Variants in ERC2 observed in about 807,000 individuals in gnomAD.
The protein encoded by ERC2 is ELKS/RAB6-interacting/CAST family member 2, also known as ERC protein 2.
A neutral mutation model predicts 114.8 loss-of-function variants in ERC2; 42 were observed. That is an observed-to-expected ratio of 0.37 (90% confidence interval 0.29 to 0.47). The LOEUF (loss-of-function observed/expected upper bound fraction) is 0.47. ERC2 is among the 20% of genes least tolerant of loss of function. ERC2 has a pLI of 0.99. For synonymous variants in ERC2, 454 were observed against 425.5 expected (o/e 1.07, Z -0.82); for missense variants, 939 against 1,150.7 (o/e 0.82, Z 2.66).
At chr3:56,084,399 T>C (rs1350822239) in intron 6 of ERC2, among the ~76,000 whole-genome samples, 1 of 152,218 alleles carries the variant, frequency 6.6e-6, no homozygotes, top group Non-Finnish European at 1.5e-5. Flanking sequence ...AAAAGATACC[T>C]GTATGTGTAT....
At chr3:55,705,320 A>G (rs1175314733) in intron 15 of ERC2, among the ~76,000 whole-genome samples, 1 of 152,152 alleles carries the variant, frequency 6.6e-6, no homozygotes. Flanking sequence ...ATCGCACAGT[A>G]AAGTGGCCCT....
At chr3:55,768,610 C>A (rs2067982250) in intron 14 of ERC2, among the ~76,000 whole-genome samples, 1 of 152,042 alleles carries the variant, frequency 6.6e-6, no homozygotes, top group African/African-American at 2.4e-5. Context: ...TGAACTGAGC[C>A]CTGAGGGATG....
chr3:56,202,083 G>A (rs147891423), intron 3 of ERC2, among the ~76,000 whole-genome samples: 110 of 152,236 alleles, frequency 7.2e-4, no homozygotes, highest in African/African-American at 2.5e-3. Flanking sequence ...AATACCGCAG[G>A]CCATCTGAGC....
At chr3:56,230,759 G>C (rs184643881) in intron 3 of ERC2, among the ~76,000 whole-genome samples, 50 of 152,320 alleles carry the variant, frequency 3.3e-4, no homozygotes, top group Non-Finnish European at 5.4e-4. Context: ...TTTATTGTTA[G>C]AGTAGGAGAA....
chr3:56,109,791 GT>G (rs1560188121), intron 6 of ERC2, among the ~76,000 whole-genome samples: 1 of 148,100 alleles, frequency 6.8e-6, no homozygotes, highest in African/African-American at 2.5e-5. Context: ...AGAAACAAAT[GT>G]TTAAAAACCA....
At chr3:56,386,178 T>C (rs1366812981) in intron 2 of ERC2, among the ~76,000 whole-genome samples, 1 of 152,148 alleles carries the variant, frequency 6.6e-6, no homozygotes, top group African/African-American at 2.4e-5. Flanking sequence ...GCTTTGTACC[T>C]ACACTGCAAA....
intron 14 of ERC2, among the ~76,000 whole-genome samples, chr3:55,856,508 A>C (rs2061790771): frequency 6.6e-6 from 1 of 152,226 alleles, no homozygotes; most frequent in African/African-American, 2.4e-5. Context: ...TGAAAAAATA[A>C]ACAAAACATA....
At position 56,213,988 on chromosome 3, in the gene ERC2, C is replaced by G. The variant is rs1207868197; in HGVS notation, c.1075-40468G>C. Reference sequence around the variant, plus strand: ...CTAACAAACAGAAAGGACATCCACACCAAAACCCCATCTGTACGTCACCAT... The same window carrying G: ...CTAACAAACAGAAAGGACATCCACAGCAAAACCCCATCTGTACGTCACCAT... On this transcript the variant is annotated intron_variant, in intron 3 of 17. Coordinates refer to ENST00000288221, the MANE Select transcript of ERC2 (RefSeq NM_015576.3). 2.6e-5 allele frequency among the ~76,000 whole-genome samples: 4 copies of G among 152,278 alleles called. No individual in the cohort carries two copies. In the South Asian group the frequency reaches 6.2e-4, roughly 24 times the overall value.
chr3:55,958,330 G>A (rs1425299867), intron 12 of ERC2, among the ~76,000 whole-genome samples: 1 of 152,142 alleles, frequency 6.6e-6, no homozygotes. Flanking sequence ...ATGAGTCCAG[G>A]GTTTTCATGG....
In ERC2 at chr3:55,860,008, C is replaced by T. The variant is rs188951395; in HGVS notation, c.2564+28381G>A. Among the ~76,000 whole-genome samples, 836 of 152,164 alleles carry T rather than the reference C, an allele frequency of 5.5e-3. 10 individuals are homozygous for T. The highest frequency in any genetic ancestry group is 0.019 in the African/African-American group (787 of 41,514). ...CTTCATTTCACAGATATTTAAAGCA[C>T]GTATTATGTTGCTATGGACAATTAG... On this transcript the variant is annotated intron_variant, in intron 14 of 17. Transcript: ENST00000288221.
At chr3:55,829,634 C>T (rs1282070844) in intron 14 of ERC2, among the ~76,000 whole-genome samples, 2 of 152,174 alleles carry the variant, frequency 1.3e-5, no homozygotes, top group African/African-American at 4.8e-5. Context: ...CCCATTTCAG[C>T]TATCAAAGTG....
intron 13 of ERC2, among the ~76,000 whole-genome samples, chr3:55,935,484 C>T (rs1365066824): frequency 1.3e-5 from 2 of 152,172 alleles, no homozygotes; most frequent in Non-Finnish European, 2.9e-5. Flanking sequence ...TTACTCCATC[C>T]ATCTGTCAAT....
At chr3:56,124,430 A>G (rs887301604) in intron 6 of ERC2, among the ~76,000 whole-genome samples, 2 of 152,260 alleles carry the variant, frequency 1.3e-5, no homozygotes, top group Non-Finnish European at 1.5e-5. Context: ...ACGAAGCACC[A>G]TGAAGATGAA....
Position 56,288,632 on chromosome 3 carries a change from T to A in ERC2, c.1074+7387A>T, listed in dbSNP as rs140113624. Among the ~76,000 whole-genome samples the A allele has an allele frequency of 5.2e-3, 794 of 152,356 alleles. 5 individuals carry two copies. Among genetic ancestry groups the A allele is most frequent in the Non-Finnish European group, 8.8e-3 (597 of 68,038 alleles). ...TAAACAGAAAGGAATTTATTTTCCG[T>A]GTCATCAGAAATGTGAGGATAAAAA... On this transcript the variant is annotated intron_variant, in intron 3 of 17. Coordinates refer to ENST00000288221, the MANE Select transcript of ERC2 (RefSeq NM_015576.3).
intron 3 of ERC2, among the ~76,000 whole-genome samples, chr3:56,241,889 A>G (rs2051346226): frequency 6.6e-6 from 1 of 152,212 alleles, no homozygotes; most frequent in African/African-American, 2.4e-5. Context: ...ATAAAGCTGT[A>G]TTTGAACAAA....
chr3:56,332,902 A>G (rs1387271241), intron 2 of ERC2, among the ~76,000 whole-genome samples: 1 of 152,244 alleles, frequency 6.6e-6, no homozygotes, highest in Non-Finnish European at 1.5e-5. Flanking sequence ...AAAAGAAGCC[A>G]GAGAAGAAAA....
At chr3:55,831,357 AGAAGGGGAGGG>A (rs2060567323) in intron 14 of ERC2, among the ~76,000 whole-genome samples, 1 of 43,166 alleles carries the variant, frequency 2.3e-5, no homozygotes, top group Non-Finnish European at 4.0e-5. Flanking sequence ...GGGAGGGGAG[AGAAGGGGAGGG>A]GAAGGGAAGG....
At chr3:55,927,858 G>A (rs2065840651) in intron 13 of ERC2, among the ~76,000 whole-genome samples, 1 of 152,138 alleles carries the variant, frequency 6.6e-6, no homozygotes, top group South Asian at 2.1e-4. Flanking sequence ...AACATGAGAA[G>A]TTGGTCTTTC....
intron 5 of ERC2, among the ~76,000 whole-genome samples, chr3:56,144,987 G>C (rs979135697): frequency 9.2e-5 from 14 of 152,132 alleles, no homozygotes; most frequent in Admixed American, 6.5e-4. Flanking sequence ...ACAGCCAGAA[G>C]AAAAGCCAAT....
Sources: gnomAD v4.1 joint callset for allele counts (sites outside exome capture counted in the v4.1 genomes callset) on GRCh38, gnomAD v4.1.1 for gene constraint, MANE v1.5 for transcripts, NCBI Gene and HGNC (gene_info 2026-07-23, HGNC 2026-07-21) for gene names.